The following BCKDHB variants were observed in gnomAD, a reference collection of about 807,000 sequenced individuals.
BCKDHB encodes the protein branched chain keto acid dehydrogenase E1 subunit beta.
Under a neutral mutation model 48.5 loss-of-function variants are expected in BCKDHB, and 41 were observed. The observed-to-expected ratio is 0.85, with a 90% confidence interval of 0.66 to 1.10. BCKDHB has a LOEUF of 1.10. Among genes scored for constraint, BCKDHB ranks in the 50% least tolerant of loss-of-function variants. BCKDHB has a pLI of 0.00. For missense variants in BCKDHB, 496 were observed against 494.2 expected (o/e 1.00, Z -0.03); for synonymous variants, 201 against 174.8 (o/e 1.15, Z -1.18).
intron 1 of BCKDHB, among the ~76,000 whole-genome samples, chr6:80,123,988 G>T (rs899383898): frequency 1.3e-5 from 2 of 152,100 alleles, no homozygotes; most frequent in Non-Finnish European, 2.9e-5. Flanking sequence ...TGATGTTAGG[G>T]TGTCAATTTT....
the BCKDHB span, among the ~76,000 whole-genome samples, chr6:80,419,924 T>C: frequency 1.3e-5 from 2 of 152,358 alleles, no homozygotes; most frequent in Admixed American, 6.5e-5. Context: ...TTAAGTCTTC[T>C]ATCAAAGCTC....
chr6:80,335,432 C>G lies in BCKDHB; in HGVS notation c.1039-8232C>G, dbSNP rs146387607. Among the ~76,000 whole-genome samples the G allele has an allele frequency of 1.9e-3, 291 of 152,088 alleles. 1 individual carries two copies. Among genetic ancestry groups the G allele is most frequent in the Middle Eastern group, 0.01 (3 of 294 alleles). On this transcript the variant is annotated intron_variant, in intron 9 of 9. Transcript: ENST00000320393. ...CCACATTCTAAGGAAATTCCACTTT[C>G]AAACGTTGCCGTCAGTGCTTTCTTC...
chr6:80,189,277 T>A (rs1049333678), intron 6 of BCKDHB, among the ~76,000 whole-genome samples: 1 of 152,212 alleles, frequency 6.6e-6, no homozygotes. Context: ...TTCAAGTGAC[T>A]TAAATGCACT....
the BCKDHB span, among the ~76,000 whole-genome samples, chr6:80,427,900 C>A: frequency 3.3e-5 from 5 of 151,866 alleles, no homozygotes; most frequent in Non-Finnish European, 5.9e-5. Flanking sequence ...TTTTATTATA[C>A]TTTAAGTTCT....
chr6:80,124,853 C>A (rs1770254885), intron 1 of BCKDHB, among the ~76,000 whole-genome samples: 1 of 152,200 alleles, frequency 6.6e-6, no homozygotes, highest in South Asian at 2.1e-4. Context: ...TTTGTTGTTT[C>A]ATTGAAAGAG....
At chr6:80,164,474 C>T (rs1010691110) in intron 3 of BCKDHB, among the ~76,000 whole-genome samples, 9 of 152,168 alleles carry the variant, frequency 5.9e-5, no homozygotes, top group African/African-American at 2.2e-4. Context: ...TCCCTCCCTC[C>T]ATCACCTACT....
chr6:80,322,218 G>A (rs1014443830), intron 9 of BCKDHB, among the ~76,000 whole-genome samples: 2 of 150,090 alleles, frequency 1.3e-5, no homozygotes, highest in Non-Finnish European at 3.0e-5. Context: ...TTAGACATAG[G>A]CGTTTTCTTT....
intron 3 of BCKDHB, among the ~76,000 whole-genome samples, chr6:80,146,918 T>G (rs949425769): frequency 6.6e-6 from 1 of 152,120 alleles, no homozygotes; most frequent in Non-Finnish European, 1.5e-5. Flanking sequence ...TGTGCTCAGC[T>G]AAAGCTCTGG....
intron 6 of BCKDHB, among the ~76,000 whole-genome samples, chr6:80,173,199 A>G (rs1413084979): frequency 6.6e-6 from 1 of 152,152 alleles, no homozygotes; most frequent in East Asian, 1.9e-4. Context: ...CACTTGAAAA[A>G]TTTGTCCTAG....
chr6:80,207,570 T>C (rs2143887), intron 8 of BCKDHB, among the ~76,000 whole-genome samples: 54,959 of 151,532 alleles, frequency 0.36, 11,900 homozygotes, highest in East Asian at 0.56. Context: ...ATAAACCTAG[T>C]AAAAGTCTAA....
At chr6:80,268,893 A>G (rs1021947668) in intron 8 of BCKDHB, among the ~76,000 whole-genome samples, 1 of 152,264 alleles carries the variant, frequency 6.6e-6, no homozygotes, top group South Asian at 2.1e-4. Context: ...TTAAAACTAC[A>G]TTAAAATACC....
At chr6:80,233,915 T>G (rs183099744) in intron 8 of BCKDHB, among the ~76,000 whole-genome samples, 70 of 152,150 alleles carry the variant, frequency 4.6e-4, no homozygotes, top group African/African-American at 1.3e-3. Flanking sequence ...TAGAAGACAG[T>G]TTTTCCACAG....
chr6:80,370,818 A>G, the BCKDHB span, among the ~76,000 whole-genome samples: 63,295 of 146,000 alleles, frequency 0.43, 13,958 homozygotes, highest in East Asian at 0.75. Flanking sequence ...GTATATATAT[A>G]TGTGTGTGTG....
chr6:80,396,140 T>C, the BCKDHB span, among the ~76,000 whole-genome samples: 2 of 152,068 alleles, frequency 1.3e-5, no homozygotes, highest in Admixed American at 6.5e-5. Context: ...CACTGGGGTA[T>C]TGACTAGTGG....
At chr6:80,207,353 T>C (rs1446174811) in intron 8 of BCKDHB, among the ~76,000 whole-genome samples, 1 of 151,888 alleles carries the variant, frequency 6.6e-6, no homozygotes, top group Non-Finnish European at 1.5e-5. Context: ...TAATCAAGGA[T>C]ACAAGTTATA....
intron 8 of BCKDHB, among the ~76,000 whole-genome samples, chr6:80,210,135 C>CAAAAAAAA (rs61476553): frequency 1.8e-5 from 2 of 113,010 alleles, no homozygotes; most frequent in Non-Finnish European, 3.7e-5. Flanking sequence ...AAGAAATATA[C>CAAAAAAAA]AAAAAAAAAA....
the BCKDHB span, among the ~76,000 whole-genome samples, chr6:80,447,683 G>A: frequency 1.7e-3 from 259 of 152,204 alleles, 7 homozygotes; most frequent in East Asian, 0.048. Flanking sequence ...TCTAGAATTT[G>A]TGTAAATAGA....
At chr6:80,381,594 G>T in the BCKDHB span, among the ~76,000 whole-genome samples, 1 of 152,022 alleles carries the variant, frequency 6.6e-6, no homozygotes, top group African/African-American at 2.4e-5. Context: ...GAGATGTCGT[G>T]TGTCATTTTT....
the BCKDHB span, among the ~76,000 whole-genome samples, chr6:80,407,737 G>T: frequency 6.6e-6 from 1 of 152,166 alleles, no homozygotes; most frequent in African/African-American, 2.4e-5. Flanking sequence ...TTGCTTATCA[G>T]CTTAAGGAGA....
Sources: allele counts gnomAD v4.1 joint callset (sites outside exome capture counted in the v4.1 genomes callset), GRCh38; gene constraint gnomAD v4.1.1; transcripts MANE v1.5; gene names NCBI Gene and HGNC (gene_info 2026-07-23, HGNC 2026-07-21).